LRRK1: variants seen among roughly 807,000 people sequenced by gnomAD.
LRRK1 encodes the protein leucine rich repeat kinase 1.
LRRK1 carries 113 observed loss-of-function variants against 209.1 expected under a neutral mutation model. The ratio of observed to expected loss-of-function variants is 0.54; its 90% CI spans 0.46 to 0.63. The LOEUF (loss-of-function observed/expected upper bound fraction) is 0.63, where lower values mean the gene tolerates loss of function less well. Ranked by LOEUF, LRRK1 falls within the 30% of genes least tolerant of loss-of-function variation. The probability of loss-of-function intolerance (pLI) is 0.00; values close to 1 mark genes in which losing one functional copy is unlikely to be tolerated. For synonymous variants in LRRK1, 1,144 were observed against 1,099.7 expected (o/e 1.04, Z -0.80); for missense variants, 2,284 against 2,632.2 (o/e 0.87, Z 2.89).
At chr15:100,923,444 A>G (rs1054559167) in intron 1 of LRRK1, among the ~76,000 whole-genome samples, 7 of 152,238 alleles carry the variant, frequency 4.6e-5, no homozygotes, top group African/African-American at 1.7e-4. Context: ...AGAGTTGTCT[A>G]TCTGAGAGAA....
intron 2 of LRRK1, among the ~76,000 whole-genome samples, chr15:100,961,482 G>A (rs1347482902): frequency 2.0e-5 from 3 of 152,042 alleles, no homozygotes; most frequent in Non-Finnish European, 2.9e-5. Flanking sequence ...GTGAAACCCT[G>A]TCTCTACTAA....
intron 2 of LRRK1, among the ~76,000 whole-genome samples, chr15:100,966,566 A>T (rs1435179341): frequency 2.0e-5 from 3 of 152,226 alleles, no homozygotes; most frequent in Admixed American, 6.5e-5. Flanking sequence ...ATAAAGGTTA[A>T]CCATTCTCTG....
At chr15:100,925,220 A>G (rs933249289) in intron 2 of LRRK1, among the ~76,000 whole-genome samples, 3 of 152,152 alleles carry the variant, frequency 2.0e-5, no homozygotes, top group African/African-American at 7.2e-5. Context: ...GTAATGTTGC[A>G]TGTTGCTTTT....
intron 27 of LRRK1, among the ~76,000 whole-genome samples, chr15:101,055,981 C>G (rs756123373): frequency 5.9e-5 from 9 of 152,140 alleles, no homozygotes; most frequent in African/African-American, 2.2e-4. Flanking sequence ...TAGCTCAGCA[C>G]CTGTGGTTGT....
intron 9 of LRRK1, among the ~76,000 whole-genome samples, chr15:101,011,416 C>T (rs1462754891): frequency 6.8e-6 from 1 of 146,164 alleles, no homozygotes; most frequent in Non-Finnish European, 1.5e-5. Flanking sequence ...GCAGAGGTTG[C>T]AGTGAGCCGA....
At chr15:100,950,724 T>C (rs8043365) in intron 2 of LRRK1, among the ~76,000 whole-genome samples, 7,442 of 152,272 alleles carry the variant, frequency 0.049, 529 homozygotes, top group African/African-American at 0.16. Flanking sequence ...TGGGAGAAAA[T>C]ATTTCCAAAT....
intron 2 of LRRK1, among the ~76,000 whole-genome samples, chr15:100,939,240 A>G (rs996739679): frequency 6.6e-6 from 1 of 152,156 alleles, no homozygotes; most frequent in Non-Finnish European, 1.5e-5. Flanking sequence ...ACAGTTCCTA[A>G]GTCTCTTAAT....
At chr15:101,044,419 T>G (rs1379612839) in intron 20 of LRRK1, among the ~76,000 whole-genome samples, 1 of 152,212 alleles carries the variant, frequency 6.6e-6, no homozygotes, top group Non-Finnish European at 1.5e-5. Flanking sequence ...ATCAAACACA[T>G]GAAGAATTTA....
At chr15:101,013,555 A>G (rs998498847) in intron 10 of LRRK1, among the ~76,000 whole-genome samples, 3 of 152,198 alleles carry the variant, frequency 2.0e-5, no homozygotes, top group Admixed American at 1.3e-4. Flanking sequence ...TTGAGGCTGT[A>G]GCAAGCTATG....
At position 101,061,738 on chromosome 15, in the gene LRRK1, C is replaced by T. The variant is rs369323178; in HGVS notation, c.4797+450C>T. On this transcript the variant is annotated intron_variant, in intron 30 of 33. Transcript: ENST00000388948. ...CAAATGTTCTGAGGCAGGCTAGGCA[C>T]AGGGGCTCACGCCTGTAATCCCAGC... 2.7e-4 allele frequency among the ~76,000 whole-genome samples: 41 copies of T among 152,286 alleles called. 2 individuals are homozygous for T. The highest frequency in any genetic ancestry group is 1.4e-3 in the Admixed American group (21 of 15,296).
chr15:100,970,131 C>A (rs2030766432), intron 2 of LRRK1, among the ~76,000 whole-genome samples: 1 of 152,158 alleles, frequency 6.6e-6, no homozygotes, highest in Non-Finnish European at 1.5e-5. Flanking sequence ...CTCAGGTGAT[C>A]CACCTGCCTT....
At chr15:101,014,746 G>A (rs1457717695) in intron 11 of LRRK1, among the ~76,000 whole-genome samples, 1 of 152,192 alleles carries the variant, frequency 6.6e-6, no homozygotes, top group Non-Finnish European at 1.5e-5. Context: ...AGTCGGATTG[G>A]ATTAGAGTCC....
chr15:101,044,987 C>T (rs1283409207), intron 20 of LRRK1, among the ~76,000 whole-genome samples: 1 of 152,208 alleles, frequency 6.6e-6, no homozygotes, highest in Non-Finnish European at 1.5e-5. Context: ...AGGCCTCCTG[C>T]TTCACCACCT....
intron 21 of LRRK1, 45 bp downstream of exon 21, chr15:101,046,197 C>T (rs2035066719): frequency 1.3e-6 from 2 of 1,587,482 alleles, no homozygotes; most frequent in Non-Finnish European, 1.7e-6. Context: ...CCGAGAGCCA[C>T]CTACAGTTGT....
intron 15 of LRRK1, among the ~76,000 whole-genome samples, chr15:101,023,354 A>G (rs2033884062): frequency 6.6e-6 from 1 of 152,140 alleles, no homozygotes; most frequent in Non-Finnish European, 1.5e-5. Context: ...GTCCATCCAT[A>G]AACTTCTTAA....
At chr15:100,960,277 C>CTTTTTTTTT (rs3031656) in intron 2 of LRRK1, among the ~76,000 whole-genome samples, 5 of 116,722 alleles carry the variant, frequency 4.3e-5, no homozygotes, top group East Asian at 2.4e-4. Context: ...GTTCATATTG[C>CTTTTTTTTT]TTTTTTTTTT....
At chr15:101,006,314 G>A (rs1175633653) in intron 6 of LRRK1, among the ~76,000 whole-genome samples, 1 of 148,598 alleles carries the variant, frequency 6.7e-6, no homozygotes, top group Non-Finnish European at 1.5e-5. Context: ...AAACACACCA[G>A]CATCTGCCCC....
chr15:101,062,400 C>A, intron 30 of LRRK1, 174 bp from the exon 31 acceptor site: 1 of 567,668 alleles, frequency 1.8e-6, no homozygotes, highest in Non-Finnish European at 3.2e-6. Context: ...TCTTTTTCAA[C>A]GTTTCTACAA....
intron 2 of LRRK1, among the ~76,000 whole-genome samples, chr15:100,940,251 ATTGT>A (rs377753176): frequency 2.3e-4 from 35 of 152,194 alleles, no homozygotes; most frequent in Non-Finnish European, 4.4e-4. Flanking sequence ...TTTCCATAAG[ATTGT>A]TTATTTCACT....
Sources: allele counts gnomAD v4.1 joint callset (sites outside exome capture counted in the v4.1 genomes callset), GRCh38; gene constraint gnomAD v4.1.1; transcripts MANE v1.5; gene names NCBI Gene and HGNC (gene_info 2026-07-23, HGNC 2026-07-21).